ADSS2: variants seen among roughly 807,000 people sequenced by gnomAD.
ADSS2 encodes the protein adenylosuccinate synthetase isozyme 2.
ADSS2 carries 30 observed loss-of-function variants against 60.0 expected under a neutral mutation model. The ratio of observed to expected loss-of-function variants is 0.50; its 90% CI spans 0.37 to 0.68. The LOEUF is 0.68. Ranked by LOEUF, ADSS2 falls within the 30% of genes least tolerant of loss-of-function variation. The probability of loss-of-function intolerance (pLI) is 0.00; values close to 1 mark genes in which losing one functional copy is unlikely to be tolerated. For missense variants in ADSS2, 373 were observed against 554.8 expected (o/e 0.67, Z 3.29); for synonymous variants, 187 against 193.1 (o/e 0.97, Z 0.26).
chr1:244,414,774 C>T (rs1198917627), intron 11 of ADSS2, among the ~76,000 whole-genome samples: 1 of 152,250 alleles, frequency 6.6e-6, no homozygotes, highest in Non-Finnish European at 1.5e-5. Context: ...TCTCCAGGAA[C>T]TGCTCTTGGC....
Position 244,422,917 on chromosome 1 carries a change from C to T in ADSS2, c.582-1G>A. 6.5e-7 allele frequency: 1 copy of T among 1,545,726 alleles called. No individual in the cohort carries two copies. The highest frequency in any genetic ancestry group is 2.3e-5 in the East Asian group (1 of 44,310). On this transcript the variant is annotated splice_acceptor_variant, in intron 6 of 12. Transcript: ENST00000366535. LOFTEE classifies it high-confidence loss of function. ...GTATTGGTTAGCTAGAACTTTAAAC[C>T]TGAGAAACACAGATAAATCAAGACA...
intron 1 of ADSS2, among the ~76,000 whole-genome samples, chr1:244,444,660 T>C (rs1341984072): frequency 6.6e-6 from 1 of 151,988 alleles, no homozygotes; most frequent in Non-Finnish European, 1.5e-5. Flanking sequence ...TAAAATTCTA[T>C]GTTCTCAAAG....
intron 1 of ADSS2, among the ~76,000 whole-genome samples, chr1:244,447,288 C>G (rs1192604124): frequency 6.6e-6 from 1 of 152,160 alleles, no homozygotes; most frequent in Admixed American, 6.5e-5. Context: ...AAGTAAATAT[C>G]AATTTATTGG....
chr1:244,441,266 G>C (rs1398946215), intron 1 of ADSS2, among the ~76,000 whole-genome samples: 1 of 151,978 alleles, frequency 6.6e-6, no homozygotes, highest in Non-Finnish European at 1.5e-5. Flanking sequence ...CACCATGTTA[G>C]CCAGGATGGT....
intron 4 of ADSS2, among the ~76,000 whole-genome samples, chr1:244,425,232 T>G (rs1391443110): frequency 6.6e-6 from 1 of 152,168 alleles, no homozygotes; most frequent in African/African-American, 2.4e-5. Flanking sequence ...AAACTAGAAT[T>G]TTGGTCTCTG....
intron 1 of ADSS2, among the ~76,000 whole-genome samples, chr1:244,438,095 G>T (rs1001125450): frequency 2.0e-5 from 3 of 152,118 alleles, no homozygotes; most frequent in African/African-American, 7.2e-5. Flanking sequence ...GGCTATGGAG[G>T]ATTATGGCAA....
Position 244,418,610 on chromosome 1 carries a change from C to T in ADSS2, c.945+150G>A, listed in dbSNP as rs536861773. ...CACTGGGATTACAGACAGGGGCCAC[C>T]ACGTCCAGCCAAAATTATGTATTTA... is the stretch of plus-strand genomic sequence containing the variant. On this transcript the variant is annotated intron_variant, in intron 9 of 12. Coordinates refer to ENST00000366535, the MANE Select transcript of ADSS2 (RefSeq NM_001126.5). The T allele has an allele frequency of 5.1e-6, 4 of 777,260 alleles. No homozygotes were observed. The East Asian group carries it at 1.2e-4, about 24-fold the overall frequency. 48.1% of individuals were successfully genotyped at this position (777,260 alleles called of 1,614,324 possible).
chr1:244,437,569 G>T, intron 2 of ADSS2, 97 bp downstream of exon 2: 1 of 850,752 alleles, frequency 1.2e-6, no homozygotes, highest in Non-Finnish European at 2.0e-6. Flanking sequence ...TGAACCATCT[G>T]GTCAGTGAGA....
At chr1:244,417,804 T>C in intron 9 of ADSS2, 52 bp from the exon 10 acceptor site, 35 of 1,552,508 alleles carry the variant, frequency 2.3e-5, no homozygotes, top group Non-Finnish European at 3.1e-5. Context: ...GCTATATATC[T>C]GGTGGAATAA....
Position 244,445,017 on chromosome 1 carries a change from A to G in ADSS2, c.183+6618T>C, listed in dbSNP as rs559709037. On this transcript the variant is annotated intron_variant, in intron 1 of 12. Transcript: ENST00000366535. ...GATCCAGGCAGGGAAACATGTTCCA[A>G]CCTGAGCCAGTCAGCTCCTCTCCCT... 2.2e-4 allele frequency among the ~76,000 whole-genome samples: 33 copies of G among 152,266 alleles called. No homozygotes were observed. In the East Asian group the frequency reaches 6.4e-3, roughly 29 times the overall value.
At chr1:244,447,631 C>T (rs1340319318) in intron 1 of ADSS2, among the ~76,000 whole-genome samples, 2 of 152,200 alleles carry the variant, frequency 1.3e-5, no homozygotes, top group African/African-American at 4.8e-5. Context: ...TACCTATTTT[C>T]TCCTAAAAAC....
intron 11 of ADSS2, among the ~76,000 whole-genome samples, chr1:244,411,926 C>T (rs1235790887): frequency 6.6e-6 from 1 of 152,170 alleles, no homozygotes; most frequent in African/African-American, 2.4e-5. Context: ...GGAAACTGAA[C>T]ATGTACTAAA....
Position 244,414,863 on chromosome 1 carries a change from C to T in ADSS2, c.1168+1118G>A, listed in dbSNP as rs186908467. ...GGAGGCACAAAGCTCTGGCTACTAG[C>T]CTCAATTTAGTATAACTCTAAAGGG... On this transcript the variant is annotated intron_variant, in intron 11 of 12. Coordinates refer to ENST00000366535, the MANE Select transcript of ADSS2 (RefSeq NM_001126.5). Among the ~76,000 whole-genome samples, 9 of 152,300 alleles carry T rather than the reference C, an allele frequency of 5.9e-5. No individual in the cohort carries two copies. In the East Asian group the frequency reaches 1.2e-3, roughly 20 times the overall value.
In ADSS2 at chr1:244,451,455, G is replaced by T. The variant is rs1046943182; in HGVS notation, c.183+180C>A. On this transcript the variant is annotated intron_variant, in intron 1 of 12. Coordinates refer to ENST00000366535, the MANE Select transcript of ADSS2 (RefSeq NM_001126.5). This position sits in a 1 kb window ranked among gnomAD's most constrained non-coding sequence, Gnocchi z 6.6. ...TTTCACCCGACGCTCCAGGTCAGGG[G>T]TCCCCGACCTCCCGCCATTTCTCCA... 6.6e-6 allele frequency among the ~76,000 whole-genome samples: 1 copy of T among 152,190 alleles called. No homozygotes were observed. Among genetic ancestry groups the T allele is most frequent in the Non-Finnish European group, 1.5e-5 (1 of 68,018 alleles).
In ADSS2 at chr1:244,415,887, G is replaced by A. The variant is rs564764904; in HGVS notation, c.1168+94C>T. 2.7e-4 allele frequency: 241 copies of A among 896,524 alleles called. 1 individual carries two copies. Among genetic ancestry groups the A allele is most frequent in the Non-Finnish European group, 3.8e-4 (224 of 587,942 alleles). 55.5% of individuals were successfully genotyped at this position (896,524 alleles called of 1,614,324 possible). ...TCATAAAGGGCATATCAAACCTGTC[G>A]CTATCTATCACAAATTATATGGAAG... On this transcript the variant is annotated intron_variant, in intron 11 of 12. Transcript: ENST00000366535.
chr1:244,417,553 T>C, intron 10 of ADSS2, 75 bp downstream of exon 10: 1 of 1,536,618 alleles, frequency 6.5e-7, no homozygotes, highest in Non-Finnish European at 8.9e-7. Context: ...CCTATTAAGG[T>C]ACTCCACAAA....
chr1:244,436,118 G>C (rs1462340837), intron 3 of ADSS2, among the ~76,000 whole-genome samples: 25 of 152,336 alleles, frequency 1.6e-4, no homozygotes, highest in Admixed American at 1.5e-3. Context: ...GTGACTCGCT[G>C]CATGAGGTCG....
rs372793380 is a variant in ADSS2 at position 244,449,925 on chromosome 1, G to T, written c.183+1710C>A. Among the ~76,000 whole-genome samples, 32 of 152,210 alleles carry T rather than the reference G, an allele frequency of 2.1e-4. 1 individual carries two copies. The highest frequency in any genetic ancestry group is 7.5e-4 in the African/African-American group (31 of 41,518). Reference sequence around the variant, plus strand: ...GTAACATTAGTAACACCTTCTCCAAGCTACAAACTACTTCTAATATTTCTC... The same window carrying T: ...GTAACATTAGTAACACCTTCTCCAATCTACAAACTACTTCTAATATTTCTC... On this transcript the variant is annotated intron_variant, in intron 1 of 12. Coordinates refer to ENST00000366535, the MANE Select transcript of ADSS2 (RefSeq NM_001126.5).
At chr1:244,429,518 G>C (rs1664881673) in intron 4 of ADSS2, among the ~76,000 whole-genome samples, 1 of 152,198 alleles carries the variant, frequency 6.6e-6, no homozygotes, top group African/African-American at 2.4e-5. Context: ...ACGATTCTCA[G>C]ACAATTTTCC....
Sources: gnomAD v4.1 joint callset for allele counts (sites outside exome capture counted in the v4.1 genomes callset) on GRCh38, gnomAD v4.1.1 for gene constraint, Gnocchi (gnomAD v3.1) non-coding constraint, MANE v1.5 for transcripts, NCBI Gene and HGNC (gene_info 2026-07-23, HGNC 2026-07-21) for gene names.